Variants in HSPBAP1 observed in about 807,000 individuals in gnomAD.
HSPBAP1 encodes HSPB1-associated protein 1.
Under a neutral mutation model 45.2 loss-of-function variants are expected in HSPBAP1, and 27 were observed. The observed-to-expected ratio is 0.60, with a 90% CI of 0.44 to 0.82. The LOEUF (loss-of-function observed/expected upper bound fraction) is 0.82. HSPBAP1 is among the 40% of genes least tolerant of loss of function. The probability of loss-of-function intolerance (pLI) is 0.00; values close to 1 mark genes in which losing one functional copy is unlikely to be tolerated. For synonymous variants in HSPBAP1, 204 were observed against 202.7 expected (o/e 1.01, Z -0.06); for missense variants, 510 against 590.9 (o/e 0.86, Z 1.42).
rs548736884 is a variant in HSPBAP1, at chr3:122,773,021, A to T, written c.251-4139T>A. On this transcript the variant is annotated intron_variant, in intron 2 of 7. Coordinates refer to ENST00000306103, the MANE Select transcript of HSPBAP1 (RefSeq NM_024610.6). ...GCACCATCACACCTGGCTAATTAAA[A>T]TTTTTTTTTTGTAGAGACAGGATCT... Among the ~76,000 whole-genome samples the T allele has an allele frequency of 6.2e-3, 917 of 149,026 alleles. 4 individuals carry two copies. Among genetic ancestry groups the T allele is most frequent in the Non-Finnish European group, 9.7e-3 (651 of 66,950 alleles).
At chr3:122,790,799 TTG>T (rs1324303869) in intron 1 of HSPBAP1, among the ~76,000 whole-genome samples, 1 of 152,084 alleles carries the variant, frequency 6.6e-6, no homozygotes, top group Non-Finnish European at 1.5e-5. Context: ...CTACGGAACA[TTG>T]TGAGACCCTG....
intron 4 of HSPBAP1, among the ~76,000 whole-genome samples, chr3:122,757,420 T>G (rs991354358): frequency 2.6e-5 from 4 of 152,224 alleles, no homozygotes; most frequent in Non-Finnish European, 5.9e-5. Flanking sequence ...TTATCCATCC[T>G]TCAAGGCCCA....
chr3:122,765,318 T>A (rs887930392), intron 3 of HSPBAP1, among the ~76,000 whole-genome samples: 1 of 152,200 alleles, frequency 6.6e-6, no homozygotes, highest in African/African-American at 2.4e-5. Context: ...TGATGGCTCA[T>A]GCCTGCAATC....
chr3:122,784,956 G>T (rs926387919), intron 1 of HSPBAP1, among the ~76,000 whole-genome samples: 1 of 152,200 alleles, frequency 6.6e-6, no homozygotes, highest in South Asian at 2.1e-4. Context: ...GGCAGAGACG[G>T]TAATTCATTT....
intron 6 of HSPBAP1, among the ~76,000 whole-genome samples, chr3:122,743,540 T>A (rs1258200321): frequency 6.6e-6 from 1 of 152,120 alleles, no homozygotes; most frequent in Non-Finnish European, 1.5e-5. Flanking sequence ...CACTCCAGCC[T>A]GGGCAACAAG....
At chr3:122,767,002 G>C (rs1934805924) in intron 3 of HSPBAP1, among the ~76,000 whole-genome samples, 1 of 152,158 alleles carries the variant, frequency 6.6e-6, no homozygotes, top group Non-Finnish European at 1.5e-5. Flanking sequence ...TGGGGCGTGG[G>C]TATGAGAAAC....
chr3:122,755,418 G>C lies in HSPBAP1; in HGVS notation c.583C>G (p.Leu195Val), dbSNP rs1934314371. Residue 195 changes from leucine to valine, a missense_variant, in exon 5 of 8, where the codon CTC becomes GTC. Physicochemically the swap from Leu to Val is conservative, Grantham distance 32. Coordinates refer to ENST00000306103, the MANE Select transcript of HSPBAP1 (RefSeq NM_024610.6). ...AAAGGAGTATCTTCAGGAGGAAAGAGATGCCATCGTTTCCTAATTAAAAAA... is the reference window on the plus strand; with the variant it reads ...AAAGGAGTATCTTCAGGAGGAAAGACATGCCATCGTTTCCTAATTAAAAAA... ...FQVQGRKRWHLFPPEDTPFLY... is the reference protein window; with the variant it reads ...FQVQGRKRWHVFPPEDTPFLY... 7.2e-7 allele frequency: 1 copy of C among 1,394,664 alleles called. No individual in the cohort carries two copies. 86.4% of individuals were successfully genotyped at this position (1,394,664 alleles called of 1,614,324 possible). A position where few individuals can be genotyped will look rare whatever the true frequency, so the allele number is the denominator to read the frequency against.
In HSPBAP1 at chr3:122,764,123, G is replaced by A. The variant is rs925871099; in HGVS notation, c.432+4578C>T. 7.9e-4 allele frequency among the ~76,000 whole-genome samples: 120 copies of A among 152,326 alleles called. 2 individuals carry two copies. Among genetic ancestry groups the A allele is most frequent in the Non-Finnish European group, 6.5e-4 (44 of 68,028 alleles). Reference sequence around the variant, plus strand: ...ATTTAAATGGTAAGCAACACAGAACGTTTGTGTTCTGTTCCTTTAACAATA... The same window carrying A: ...ATTTAAATGGTAAGCAACACAGAACATTTGTGTTCTGTTCCTTTAACAATA... On this transcript the variant is annotated intron_variant, in intron 3 of 7. Transcript: ENST00000306103.
chr3:122,770,627 G>T (rs182599945), intron 2 of HSPBAP1, among the ~76,000 whole-genome samples: 44 of 152,252 alleles, frequency 2.9e-4, no homozygotes, highest in East Asian at 1.5e-3. Flanking sequence ...CTTGAGCCCT[G>T]GAGGTTGAGG....
chr3:122,760,419 C>T (rs1258279163), intron 3 of HSPBAP1, among the ~76,000 whole-genome samples: 1 of 151,794 alleles, frequency 6.6e-6, no homozygotes, highest in Non-Finnish European at 1.5e-5. Context: ...GCTGACACTC[C>T]TTTTATCAGT....
chr3:122,773,421 C>T (rs749759492), intron 2 of HSPBAP1, among the ~76,000 whole-genome samples: 13 of 150,642 alleles, frequency 8.6e-5, no homozygotes, highest in South Asian at 2.1e-4. Context: ...GCGAGTCTCA[C>T]GCCTCACCTC....
At chr3:122,771,297 G>C (rs2107525407) in intron 2 of HSPBAP1, among the ~76,000 whole-genome samples, 1 of 152,172 alleles carries the variant, frequency 6.6e-6, no homozygotes, top group African/African-American at 2.4e-5. Flanking sequence ...TAGTACAGTT[G>C]TTATTCTTAG....
At chr3:122,759,131 G>C (rs1934463357) in intron 4 of HSPBAP1, 93 bp downstream of exon 4, 1 of 1,474,328 alleles carries the variant, frequency 6.8e-7, no homozygotes, top group East Asian at 2.5e-5. Flanking sequence ...CTACACCTTG[G>C]GGTATTGCCC....
chr3:122,753,901 T>TTA, intron 5 of HSPBAP1: 1 of 985,154 alleles, frequency 1.0e-6, no homozygotes, highest in Non-Finnish European at 1.2e-6. Context: ...AATTTGGCTA[T>TTA]TAAACACAGA....
chr3:122,760,981 G>A (rs1934561604), intron 3 of HSPBAP1, among the ~76,000 whole-genome samples: 1 of 152,164 alleles, frequency 6.6e-6, no homozygotes, highest in Non-Finnish European at 1.5e-5. Flanking sequence ...CATAAACAGA[G>A]CCTTTCAATA....
At chr3:122,792,297 A>G (rs1935856606) in intron 1 of HSPBAP1, among the ~76,000 whole-genome samples, 1 of 152,196 alleles carries the variant, frequency 6.6e-6, no homozygotes. Context: ...AGAGGGCAAA[A>G]GGTTGACTTC....
chr3:122,770,912 C>T (rs981918674), intron 2 of HSPBAP1, among the ~76,000 whole-genome samples: 3 of 152,210 alleles, frequency 2.0e-5, no homozygotes, highest in African/African-American at 7.2e-5. Flanking sequence ...GGAGTTTTCA[C>T]TTCCTAGAAT....
chr3:122,778,057 A>C, intron 1 of HSPBAP1, 151 bp from the exon 2 acceptor site: 1 of 620,722 alleles, frequency 1.6e-6, no homozygotes, highest in South Asian at 2.1e-5. Context: ...GTTTATATAC[A>C]CATGTGGCCT....
Position 122,781,292 on chromosome 3 carries a change from C to T in HSPBAP1, c.65-3386G>A, listed in dbSNP as rs190153138. Among the ~76,000 whole-genome samples the T allele has an allele frequency of 3.3e-3, 498 of 152,292 alleles. 4 individuals carry two copies. The highest frequency in any genetic ancestry group is 6.8e-3 in the Middle Eastern group (2 of 294). On this transcript the variant is annotated intron_variant, in intron 1 of 7. Transcript: ENST00000306103. ...TGAGCACTGAGTGAACGAGACTCCGCCTGCAATCCCGGCACCTCGGGAGGC... is the reference window on the plus strand; with the variant it reads ...TGAGCACTGAGTGAACGAGACTCCGTCTGCAATCCCGGCACCTCGGGAGGC...
Sources: allele counts gnomAD v4.1 joint callset (sites outside exome capture counted in the v4.1 genomes callset), GRCh38; gene constraint gnomAD v4.1.1; transcripts MANE v1.5; gene names NCBI Gene and HGNC (gene_info 2026-07-23, HGNC 2026-07-21).